MDC1: variants seen among roughly 807,000 people sequenced by gnomAD.
MDC1 encodes mediator of DNA damage checkpoint protein 1.
Under a neutral mutation model 142.5 loss-of-function variants are expected in MDC1, and 81 were observed. The observed-to-expected ratio is 0.57, with a 90% CI of 0.47 to 0.68. The LOEUF is 0.68. Among genes scored for constraint, MDC1 ranks in the 30% least tolerant of loss-of-function variants. The pLI is 0.00. For missense variants in MDC1, 2,119 were observed against 2,547.9 expected, an observed-to-expected ratio of 0.83 and a Z score of 3.62; for synonymous variants, 797 against 968.4, an observed-to-expected ratio of 0.82 and a Z score of 3.29.
rs1775490142 is a variant in MDC1, at chr6:30,715,180, T to C, written c.-3-2A>G. 6.2e-7 allele frequency: 1 copy of C among 1,614,022 alleles called. No individual in the cohort carries two copies. Among genetic ancestry groups the C allele is most frequent in the South Asian group, 1.1e-5 (1 of 91,084 alleles). On this transcript the variant is annotated splice_acceptor_variant, in intron 1 of 14. Coordinates refer to ENST00000376406, the MANE Select transcript of MDC1 (RefSeq NM_014641.3). LOFTEE classifies it low-confidence loss of function (5UTR_SPLICE). This position sits in a 1 kb window ranked among gnomAD's most constrained non-coding sequence, Gnocchi z 4.1. ...AATAGCCTGGGTGTCCTCCATGATC[T>C]GGGAAGGATACACATTATCAATTAT... is the stretch of plus-strand genomic sequence containing the variant.
chr6:30,711,576 C>T, intron 6 of MDC1, 72 bp from the exon 7 acceptor site: 20 of 1,595,672 alleles, frequency 1.3e-5, no homozygotes, highest in Non-Finnish European at 1.5e-5. Context: ...GTCTCCTACC[C>T]TACCCATACT....
chr6:30,711,676 CCT>C lies in MDC1; in HGVS notation c.2117_2118del (p.Gln706ArgfsTer11), dbSNP rs753190064. On this transcript the variant is annotated frameshift_variant, in exon 6 of 15. Transcript: ENST00000376406. LOFTEE classifies it high-confidence loss of function. ...ACACAGAAGTCCTCACCTTCCAGGC[CCT>C]GATTCTCCAGAAAGCACTGGGTAGC... ...LQATQCFLEN[Q>X]GLEAVQSMED... 3 of 1,612,844 alleles carry C rather than the reference CCT, an allele frequency of 1.9e-6. No individual in the cohort carries two copies. The highest frequency in any genetic ancestry group is 1.3e-5 in the African/African-American group (1 of 74,900).
In MDC1 at chr6:30,705,961, G is replaced by C. The variant is rs1339693761; in HGVS notation, c.3222C>G (p.Ile1074Met). Residue 1074 changes from isoleucine to methionine, a missense_variant, in exon 10 of 15, where the codon ATC (isoleucine) becomes ATG (methionine). Transcript: ENST00000376406. ...GCCTGGTCTTACGAACGGTTGGCTT[G>C]ATAGAAGGTAAAAGGGGAGAAAGAA... Reference protein sequence around the residue: ...PPLLSPLLPSIKPTVRKTRQD... With the variant: ...PPLLSPLLPSMKPTVRKTRQD... 8.1e-6 allele frequency: 13 copies of C among 1,613,708 alleles called. No individual in the cohort carries two copies. In the South Asian group the frequency reaches 1.3e-4, roughly 16 times the overall value.
Position 30,705,507 on chromosome 6 carries a change from G to C in MDC1, c.3676C>G (p.Gln1226Glu). 1 of 1,607,166 alleles carries C rather than the reference G, an allele frequency of 6.2e-7. No homozygotes were observed. The highest frequency in any genetic ancestry group is 8.5e-7 in the Non-Finnish European group (1 of 1,177,102). The change falls in exon 10 of 15, where the codon CAG becomes GAG. Residue 1226 changes from glutamine to glutamate, a missense_variant. By Grantham distance (29) the Gln-to-Glu change is conservative. Coordinates refer to ENST00000376406, the MANE Select transcript of MDC1 (RefSeq NM_014641.3). ...DRPVTSEPTS[Q>E]ATRGRKNRSS... ...CTATTTTTTCTTCCCCTAGTAGCCT[G>C]AGAGGTGGGTTCAGAGGTGACAGGT...
rs112980225 is a variant in MDC1 at position 30,709,260 on chromosome 6, A to G, written c.2222-903T>C. Among the ~76,000 whole-genome samples the G allele has an allele frequency of 0.068, 10,328 of 152,266 alleles. 576 individuals are homozygous for G. The highest frequency in any genetic ancestry group is 0.14 in the African/African-American group (5,982 of 41,538). On this transcript the variant is annotated intron_variant, in intron 7 of 14. Transcript: ENST00000376406. This position sits in a 1 kb window ranked among gnomAD's most constrained non-coding sequence, Gnocchi z 4.2. The stretch of plus-strand genomic sequence containing the variant: ...TTGAACTCTTAGACTCAAGTGATCC[A>G]CCCACATTGGTCTCCCAAAGTGCTG...
rs770602967 is a variant in MDC1, at chr6:30,712,068, G to A, written c.1874C>T (p.Ala625Val). ...TTGTGCCACAGGTGGCCCACCCTGG[G>A]CCCCCACCTCATGAGCTCTCTCCTG... The part of the protein sequence containing the change: ...LKQERAHEVG[A>V]QGGPPVAQVE... Residue 625 changes from alanine to valine, a missense_variant, in exon 5 of 15, where the codon GCC becomes GTC. Ala to Val is a moderately conservative substitution (Grantham distance 64). Coordinates refer to ENST00000376406, the MANE Select transcript of MDC1 (RefSeq NM_014641.3). This position sits in a 1 kb window ranked among gnomAD's most constrained non-coding sequence, Gnocchi z 4.7. 1.3e-6 allele frequency: 2 copies of A among 1,590,540 alleles called. No individual in the cohort carries two copies. Among genetic ancestry groups the A allele is most frequent in the Admixed American group, 1.8e-5 (1 of 57,062 alleles).
rs1474658699 is a variant in MDC1 at position 30,711,746 on chromosome 6, A to T, written c.2069-20T>A. 1.9e-6 allele frequency: 3 copies of T among 1,606,482 alleles called. No homozygotes were observed. Among genetic ancestry groups the T allele is most frequent in the Non-Finnish European group, 2.5e-6 (3 of 1,176,824 alleles). The stretch of plus-strand genomic sequence containing the variant: ...CAGAATCTGGTCGGGGAGGAATATA[A>T]GACAGTTTAAAACAAAAATCATACC... On this transcript the variant is annotated intron_variant, in intron 5 of 14. Coordinates refer to ENST00000376406, the MANE Select transcript of MDC1 (RefSeq NM_014641.3).
At position 30,700,453 on chromosome 6, in the gene MDC1, G is replaced by A. The variant is rs763896174; in HGVS notation, c.*12C>T. The stretch of plus-strand genomic sequence containing the variant: ...AATTCGTGGTCTGGGAGGGAAAAGG[G>A]TAGTGGAGTTCTCAGGTGGATGACA... On this transcript the variant is annotated 3_prime_UTR_variant, in exon 15 of 15. Transcript: ENST00000376406. 1 of 1,609,474 alleles carries A rather than the reference G, an allele frequency of 6.2e-7. No homozygotes were observed. Among genetic ancestry groups the A allele is most frequent in the Non-Finnish European group, 8.5e-7 (1 of 1,177,170 alleles).
At chr6:30,702,709 C>T (rs757978653) in intron 13 of MDC1, 43 bp downstream of exon 13, 1 of 1,612,582 alleles carries the variant, frequency 6.2e-7, no homozygotes, top group East Asian at 2.2e-5. Context: ...TTGGGAAGCA[C>T]TGGAGGGAGG....
chr6:30,701,173 T>A (rs1022340417), intron 14 of MDC1, among the ~76,000 whole-genome samples: 6 of 150,422 alleles, frequency 4.0e-5, no homozygotes, highest in African/African-American at 1.5e-4. Flanking sequence ...GAGGCCGAGG[T>A]GGGTGGATCA....
chr6:30,700,655 A>T, intron 14 of MDC1, 23 bp from the exon 15 acceptor site: 1 of 1,611,440 alleles, frequency 6.2e-7, no homozygotes, highest in Non-Finnish European at 8.5e-7. Context: ...GAGCAAAGGC[A>T]AAATCAGGTG....
chr6:30,707,914 T>G lies in MDC1; in HGVS notation c.2665A>C (p.Ser889Arg). Residue 889 changes from serine to arginine, a missense_variant, in exon 8 of 15, where the codon AGT (serine) becomes CGT (arginine). Physicochemically the swap from Ser to Arg is moderately radical, Grantham distance 110. Coordinates refer to ENST00000376406, the MANE Select transcript of MDC1 (RefSeq NM_014641.3). ...GATGTCTCAATTTCTACCTTCAAACTCTCCCTATCTCTTTCAGGACTTGCA... is the reference window on the plus strand; with the variant it reads ...GATGTCTCAATTTCTACCTTCAAACGCTCCCTATCTCTTTCAGGACTTGCA... ...ESASPERDRE[S>R]LKVEIETSEE... is the part of the protein sequence containing the mutation. The G allele has an allele frequency of 1.2e-6, 2 of 1,613,084 alleles. No homozygotes were observed. Among genetic ancestry groups the G allele is most frequent in the Non-Finnish European group, 1.7e-6 (2 of 1,180,026 alleles).
chr6:30,707,200 G>T (rs1774021083), intron 9 of MDC1, among the ~76,000 whole-genome samples, 184 bp downstream of exon 9: 1 of 152,042 alleles, frequency 6.6e-6, no homozygotes, highest in African/African-American at 2.4e-5. Flanking sequence ...ATACAACTTA[G>T]GAAACAGATA....
rs1581619740 is a variant in MDC1, at chr6:30,713,333, C to T, written c.609G>A (p.Pro203=). ...AAGGCGGCCCAAGGCCGCCCAGGAC[C>T]GGGGAATGCCCCTCTTCATCACTGT... The part of the protein sequence containing the change: ...VPESDEEGHS[P]VLGGLGPPFA... The change falls in exon 5 of 15, where the codon CCG becomes CCA. Residue 203 remains proline (P), a synonymous_variant. Transcript: ENST00000376406. The surrounding 1 kb of genome is among the most constrained non-coding windows in gnomAD (Gnocchi z 4.9). 4.4e-6 allele frequency: 7 copies of T among 1,585,544 alleles called. No individual in the cohort carries two copies. The highest frequency in any genetic ancestry group is 2.2e-5 in the East Asian group (1 of 44,684).
chr6:30,703,088 T>A lies in MDC1; in HGVS notation c.5865+16A>T, dbSNP rs1421999846. 3 of 1,609,498 alleles carry A rather than the reference T, an allele frequency of 1.9e-6. No homozygotes were observed. The highest frequency in any genetic ancestry group is 1.7e-6 in the Non-Finnish European group (2 of 1,177,648). On this transcript the variant is annotated intron_variant, in intron 12 of 14. Coordinates refer to ENST00000376406, the MANE Select transcript of MDC1 (RefSeq NM_014641.3). This position sits in a 1 kb window ranked among gnomAD's most constrained non-coding sequence, Gnocchi z 4.4. ...TTGCCACTATATCGGTCTGTCATCA[T>A]CCCTTGGCCTCTCACCTGATGCAGC...
In MDC1 at chr6:30,700,622, ACT is replaced by A. The variant is rs1489214016; in HGVS notation, c.6111_6112del (p.Arg2037SerfsTer26). ...GAAGTCCTGAGGGCATGTGATCACA[ACT>A]CTCTGAGGCTGGGGAAGACAGAGCA... On this transcript the variant is annotated frameshift_variant, in exon 15 of 15. Transcript: ENST00000376406. LOFTEE classifies it high-confidence loss of function. 6.2e-7 allele frequency: 1 copy of A among 1,612,716 alleles called. No homozygotes were observed. Among genetic ancestry groups the A allele is most frequent in the East Asian group, 2.2e-5 (1 of 44,884 alleles).
Position 30,705,494 on chromosome 6 carries a change from C to G in MDC1, c.3689G>C (p.Gly1230Ala). ...CTTGACAGAGGATCTATTTTTTCTTCCCCTAGTAGCCTGAGAGGTGGGTTC... is the reference window on the plus strand; with the variant it reads ...CTTGACAGAGGATCTATTTTTTCTTGCCCTAGTAGCCTGAGAGGTGGGTTC... ...TSEPTSQATR[G>A]RKNRSSVKTP... The change falls in exon 10 of 15, where the codon GGA becomes GCA. Residue 1230 changes from glycine (G) to alanine (A), a missense_variant. Physicochemically the swap from Gly to Ala is moderately conservative, Grantham distance 60. Transcript: ENST00000376406. 6.2e-7 allele frequency: 1 copy of G among 1,603,854 alleles called. No homozygotes were observed. The highest frequency in any genetic ancestry group is 1.1e-5 in the South Asian group (1 of 89,542).
intron 14 of MDC1, 37 bp from the exon 15 acceptor site, chr6:30,700,669 A>G: frequency 6.2e-7 from 1 of 1,609,958 alleles, no homozygotes; most frequent in Non-Finnish European, 8.5e-7. Flanking sequence ...TCAGGTGAAA[A>G]AGAATCCTAG....
chr6:30,708,339 C>G lies in MDC1; in HGVS notation c.2240G>C (p.Trp747Ser). 6.2e-7 allele frequency: 1 copy of G among 1,610,976 alleles called. No individual in the cohort carries two copies. Residue 747 changes from tryptophan to serine, a missense_variant, in exon 8 of 15, where the codon TGG becomes TCG. By Grantham distance (177) the Trp-to-Ser change is radical. Coordinates refer to ENST00000376406, the MANE Select transcript of MDC1 (RefSeq NM_014641.3). ...GAATGGCTGTGTAGCCAGGACCTCC[C>G]ATGGTTCATCTAGGGTACCTGGAAG... ...FQTTGTLDEP[W>S]EVLATQPFCL...
Sources: allele counts gnomAD v4.1 joint callset (sites outside exome capture counted in the v4.1 genomes callset), GRCh38; gene constraint gnomAD v4.1.1; non-coding constraint Gnocchi (gnomAD v3.1); transcripts MANE v1.5; gene names NCBI Gene and HGNC (gene_info 2026-07-23, HGNC 2026-07-21).